ZCWPW2: variants seen among roughly 807,000 people sequenced by gnomAD.
ZCWPW2 encodes the protein zinc finger CW-type PWWP domain protein 2.
ZCWPW2 carries 45 observed loss-of-function variants against 46.6 expected under a neutral mutation model. That is an observed-to-expected ratio of 0.96 (90% CI 0.76 to 1.24). ZCWPW2 has a LOEUF of 1.24. ZCWPW2 is among the 50% of genes most tolerant of loss of function. ZCWPW2 has a pLI of 0.00. For missense variants in ZCWPW2, 429 were observed against 403.9 expected, an observed-to-expected ratio of 1.06 and a Z score of -0.53; for synonymous variants, 152 against 137.1, an observed-to-expected ratio of 1.11 and a Z score of -0.76.
At chr3:28,497,175 G>C (rs1700011836) in intron 6 of ZCWPW2, among the ~76,000 whole-genome samples, 1 of 150,414 alleles carries the variant, frequency 6.6e-6, no homozygotes, top group South Asian at 2.1e-4. Context: ...TCTTTGCATT[G>C]TGTTTTTGGC....
chr3:28,414,055 T>A (rs1230101270), intron 3 of ZCWPW2, among the ~76,000 whole-genome samples: 1 of 152,100 alleles, frequency 6.6e-6, no homozygotes, highest in African/African-American at 2.4e-5. Context: ...GTCTTATTTT[T>A]AGCTAAGGTT....
intron 2 of ZCWPW2, among the ~76,000 whole-genome samples, chr3:28,410,803 C>T (rs1287931733): frequency 6.6e-6 from 1 of 151,764 alleles, no homozygotes; most frequent in African/African-American, 2.4e-5. Context: ...AAAAGTGCAG[C>T]TATTCATTAA....
intron 4 of ZCWPW2, among the ~76,000 whole-genome samples, chr3:28,442,099 G>A (rs1486843764): frequency 6.6e-6 from 1 of 152,302 alleles, no homozygotes; most frequent in African/African-American, 2.4e-5. Flanking sequence ...GCCTTCTCCT[G>A]TTCTGGACCA....
At chr3:28,429,611 A>T (rs529613966) in intron 3 of ZCWPW2, among the ~76,000 whole-genome samples, 1 of 152,302 alleles carries the variant, frequency 6.6e-6, no homozygotes, top group South Asian at 2.1e-4. Flanking sequence ...AATCACCAAG[A>T]CAATGGGGAA....
Position 28,435,093 on chromosome 3 carries a change from A to G in ZCWPW2, c.333-17A>G, listed in dbSNP as rs774311196. On this transcript the variant is annotated splice_polypyrimidine_tract_variant and intron_variant, in intron 3 of 9. Coordinates refer to ENST00000383768, the MANE Select transcript of ZCWPW2 (RefSeq NM_001040432.4). ...TTTAAAAGCATCAAAATAATTACAA[A>G]TATTTTCTTTTGAAAGTTGGCCAGG... 3.7e-6 allele frequency: 6 copies of G among 1,604,472 alleles called. No individual in the cohort carries two copies. In the African/African-American group the frequency reaches 8.1e-5, roughly 22 times the overall value.
At chr3:28,413,475 G>A in intron 3 of ZCWPW2, 75 bp downstream of exon 3, 3 of 1,263,522 alleles carry the variant, frequency 2.4e-6, no homozygotes, top group Non-Finnish European at 3.2e-6. Flanking sequence ...TCTTTTTGAA[G>A]ACTAAACATT....
intron 4 of ZCWPW2, among the ~76,000 whole-genome samples, chr3:28,472,832 G>A (rs923252902): frequency 6.6e-6 from 1 of 151,846 alleles, no homozygotes; most frequent in Non-Finnish European, 1.5e-5. Flanking sequence ...CATTTGACAA[G>A]GGACTAATAA....
intron 6 of ZCWPW2, among the ~76,000 whole-genome samples, chr3:28,498,606 T>TTAGTTCTG (rs756290268): frequency 3.3e-5 from 5 of 151,986 alleles, no homozygotes; most frequent in Non-Finnish European, 5.9e-5. Flanking sequence ...TTCTCAGACT[T>TTAGTTCTG]ACAATAGTAT....
intron 1 of ZCWPW2, among the ~76,000 whole-genome samples, chr3:28,370,248 T>G (rs1705277305): frequency 6.6e-6 from 1 of 152,178 alleles, no homozygotes; most frequent in South Asian, 2.1e-4. Context: ...TCTGCATCGC[T>G]CACGCTGGGA....
intron 4 of ZCWPW2, among the ~76,000 whole-genome samples, chr3:28,459,013 T>C (rs1399787725): frequency 6.6e-6 from 1 of 152,182 alleles, no homozygotes; most frequent in African/African-American, 2.4e-5. Flanking sequence ...TATTTGTTTG[T>C]TTTGATCTAC....
chr3:28,417,577 G>A (rs1222993046), intron 3 of ZCWPW2, among the ~76,000 whole-genome samples: 1 of 150,282 alleles, frequency 6.7e-6, no homozygotes, highest in Admixed American at 6.7e-5. Context: ...GAGAATTTTA[G>A]ACCAATATCC....
chr3:28,373,453 GTTTT>G, intron 1 of ZCWPW2, among the ~76,000 whole-genome samples: 1 of 150,370 alleles, frequency 6.7e-6, no homozygotes, highest in East Asian at 2.0e-4. Flanking sequence ...TTTGTATGTT[GTTTT>G]TTTTTGTTTG....
intron 3 of ZCWPW2, among the ~76,000 whole-genome samples, chr3:28,431,743 G>C (rs1038694940): frequency 6.6e-6 from 1 of 152,126 alleles, no homozygotes; most frequent in Non-Finnish European, 1.5e-5. Flanking sequence ...TAACAACACA[G>C]TGAGGAACCA....
intron 4 of ZCWPW2, chr3:28,447,867 G>T: frequency 9.7e-7 from 1 of 1,034,644 alleles, no homozygotes; most frequent in African/African-American, 1.6e-5. Flanking sequence ...CATGTGGTGT[G>T]TGCCCAGGCA....
intron 6 of ZCWPW2, among the ~76,000 whole-genome samples, chr3:28,492,576 C>G (rs935733735): frequency 6.6e-6 from 1 of 151,996 alleles, no homozygotes; most frequent in African/African-American, 2.4e-5. Context: ...AAGTAGAGAA[C>G]AATATCAGCC....
At chr3:28,519,653 G>T (rs1190361195) in intron 8 of ZCWPW2, among the ~76,000 whole-genome samples, 1 of 152,108 alleles carries the variant, frequency 6.6e-6, no homozygotes, top group African/African-American at 2.4e-5. Context: ...ACTTGCCCAT[G>T]AACTGCAGAT....
At position 28,349,122 on chromosome 3, in the gene ZCWPW2, C is replaced by T. The variant is rs1007824948; in HGVS notation, c.-215C>T. 5.1e-6 allele frequency: 5 copies of T among 985,600 alleles called. No homozygotes were observed. The highest frequency in any genetic ancestry group is 6.0e-6 in the Non-Finnish European group (5 of 830,228). The allele number at this position is 985,600 out of a possible 1,614,324, so 61.1% of individuals were successfully genotyped here. ...GGGGAAGTGCAGGAGTGGCGCGCGG[C>T]GTACTACATGTCCCGTGAGCCTCCG... is the stretch of plus-strand genomic sequence containing the variant. On this transcript the variant is annotated 5_prime_UTR_variant, in exon 1 of 10. Transcript: ENST00000383768.
chr3:28,448,784 C>CAAAAAAAAAAAAAAAAAAAAAAA (rs576935771), intron 4 of ZCWPW2, among the ~76,000 whole-genome samples: 2 of 65,358 alleles, frequency 3.1e-5, no homozygotes, highest in African/African-American at 6.0e-5. Flanking sequence ...GACTCTGTCT[C>CAAAAAAAAAAAAAAAAAAAAAAA]AAAAAAAAAA....
At chr3:28,357,161 A>AAGAC (rs1172656102) in intron 1 of ZCWPW2, among the ~76,000 whole-genome samples, 11 of 152,208 alleles carry the variant, frequency 7.2e-5, no homozygotes, top group Admixed American at 5.9e-4. Flanking sequence ...AAAAACCAGG[A>AAGAC]AGACAAAGCA....
Sources: allele counts gnomAD v4.1 joint callset (sites outside exome capture counted in the v4.1 genomes callset), GRCh38; gene constraint gnomAD v4.1.1; transcripts MANE v1.5; gene names NCBI Gene and HGNC (gene_info 2026-07-23, HGNC 2026-07-21).